TGFA: variants seen among roughly 807,000 people sequenced by gnomAD.
TGFA encodes transforming growth factor alpha, also known as protransforming growth factor alpha.
TGFA carries 12 observed loss-of-function variants against 21.7 expected under a neutral mutation model. The observed-to-expected ratio is 0.55, with a 90% CI of 0.35 to 0.90. The LOEUF (loss-of-function observed/expected upper bound fraction) is 0.90. Ranked by LOEUF, TGFA falls within the 40% of genes least tolerant of loss-of-function variation. The probability of loss-of-function intolerance (pLI) is 0.01; values close to 1 mark genes in which losing one functional copy is unlikely to be tolerated. For synonymous variants in TGFA, 79 were observed against 88.1 expected (o/e 0.90, Z 0.58); for missense variants, 178 against 210.8 (o/e 0.84, Z 0.96).
intron 1 of TGFA, among the ~76,000 whole-genome samples, chr2:70,527,615 T>C (rs994680344): frequency 2.6e-5 from 4 of 152,228 alleles, no homozygotes; most frequent in Admixed American, 2.6e-4. Flanking sequence ...TATCTAACTT[T>C]AGTTAACTAA....
At chr2:70,503,292 GA>G (rs1457856004) in intron 2 of TGFA, among the ~76,000 whole-genome samples, 3 of 152,014 alleles carry the variant, frequency 2.0e-5, no homozygotes, top group African/African-American at 7.3e-5. Context: ...GATGAAGCTG[GA>G]AACCATCGTT....
At chr2:70,508,113 C>A (rs114419298) in intron 2 of TGFA, among the ~76,000 whole-genome samples, 6 of 152,052 alleles carry the variant, frequency 3.9e-5, no homozygotes, top group Non-Finnish European at 8.8e-5. Context: ...AAAATGAAGA[C>A]GAACTGCTGC....
intron 2 of TGFA, among the ~76,000 whole-genome samples, chr2:70,495,501 C>G (rs1443213818): frequency 6.6e-6 from 1 of 152,148 alleles, no homozygotes; most frequent in Admixed American, 6.5e-5. Context: ...ATGGGAAGAA[C>G]AGTTCTATAA....
chr2:70,464,896 C>T (rs1232049215), intron 3 of TGFA, among the ~76,000 whole-genome samples: 1 of 152,176 alleles, frequency 6.6e-6, no homozygotes, highest in Non-Finnish European at 1.5e-5. Context: ...CTGGTCTAAC[C>T]CTAACACCTG....
At chr2:70,535,260 T>A (rs1163578796) in intron 1 of TGFA, among the ~76,000 whole-genome samples, 1 of 151,824 alleles carries the variant, frequency 6.6e-6, no homozygotes, top group African/African-American at 2.4e-5. Flanking sequence ...TAAAAAACTG[T>A]GTGTCTGCTC....
chr2:70,547,302 A>G (rs1673335595), intron 1 of TGFA, among the ~76,000 whole-genome samples: 1 of 152,152 alleles, frequency 6.6e-6, no homozygotes, highest in Admixed American at 6.5e-5. Context: ...ATGACCCAAA[A>G]AATGTTTGTT....
chr2:70,456,567 G>GA lies in TGFA; in HGVS notation c.216-80dup, dbSNP rs1412397204. 6.1e-6 allele frequency: 9 copies of GA among 1,486,376 alleles called. No homozygotes were observed. The Admixed American group carries it at 1.7e-4, about 28-fold the overall frequency. 92.1% of individuals were successfully genotyped at this position (1,486,376 alleles called of 1,614,324 possible). A position where few individuals can be genotyped will look rare whatever the true frequency, so the allele number is the denominator to read the frequency against. On this transcript the variant is annotated intron_variant, in intron 3 of 5. Transcript: ENST00000295400. ...TAGCTCTCCAGGGAGGGCTTTCCTG[G>GA]AGGGACCCAGAGCCTGCAGGTAAAG...
At chr2:70,518,314 G>A (rs10178514) in intron 1 of TGFA, among the ~76,000 whole-genome samples, 9,827 of 152,220 alleles carry the variant, frequency 0.065, 1,067 homozygotes, top group African/African-American at 0.22. Flanking sequence ...AGAAGGGGGT[G>A]GTATCAAGGG....
chr2:70,539,052 T>C (rs1574145840), intron 1 of TGFA, among the ~76,000 whole-genome samples: 1 of 152,224 alleles, frequency 6.6e-6, no homozygotes, highest in Non-Finnish European at 1.5e-5. Flanking sequence ...CCAACAAAGA[T>C]TATGATTTGC....
intron 2 of TGFA, among the ~76,000 whole-genome samples, chr2:70,490,247 T>C (rs1671390218): frequency 6.6e-6 from 1 of 152,232 alleles, no homozygotes; most frequent in Admixed American, 6.5e-5. Flanking sequence ...GTCTTTACCA[T>C]ATAGTGTCAA....
chr2:70,497,805 C>A lies in TGFA; in HGVS notation c.94+17054G>T, dbSNP rs577278256. ...AGAACCTATGTCACAGCTATCCAGGCTAAGCAATTCTTTCCATCATTTTTT... is the reference window on the plus strand; with the variant it reads ...AGAACCTATGTCACAGCTATCCAGGATAAGCAATTCTTTCCATCATTTTTT... On this transcript the variant is annotated intron_variant, in intron 2 of 5. Coordinates refer to ENST00000295400, the MANE Select transcript of TGFA (RefSeq NM_003236.4). Among the ~76,000 whole-genome samples, 6 of 152,306 alleles carry A rather than the reference C, an allele frequency of 3.9e-5. No homozygotes were observed. In the East Asian group the frequency reaches 1.2e-3, roughly 29 times the overall value.
intron 2 of TGFA, among the ~76,000 whole-genome samples, chr2:70,466,160 A>G (rs1553492199): frequency 2.6e-5 from 4 of 152,254 alleles, no homozygotes; most frequent in Non-Finnish European, 5.9e-5. Context: ...GCAGAAGCAG[A>G]AGAGTTAATG....
At chr2:70,484,268 G>T (rs1671208650) in intron 2 of TGFA, among the ~76,000 whole-genome samples, 1 of 152,164 alleles carries the variant, frequency 6.6e-6, no homozygotes, top group Non-Finnish European at 1.5e-5. Flanking sequence ...TGTTCAATTT[G>T]CAGCATGCTG....
chr2:70,526,726 C>T (rs373578165), intron 1 of TGFA, among the ~76,000 whole-genome samples: 1 of 152,106 alleles, frequency 6.6e-6, no homozygotes, highest in African/African-American at 2.4e-5. Flanking sequence ...CCATTTTCCC[C>T]TTTAACTTTT....
intron 1 of TGFA, among the ~76,000 whole-genome samples, chr2:70,521,598 T>C (rs1454343602): frequency 1.4e-5 from 2 of 147,354 alleles, no homozygotes; most frequent in Admixed American, 1.4e-4. Flanking sequence ...TTGATAGTTT[T>C]TTTTGTTGTT....
intron 1 of TGFA, among the ~76,000 whole-genome samples, chr2:70,540,310 A>G (rs561611390): frequency 4.7e-4 from 71 of 152,340 alleles, no homozygotes; most frequent in African/African-American, 1.6e-3. Flanking sequence ...ATTCCAACTC[A>G]TAAGAGTGGT....
intron 1 of TGFA, among the ~76,000 whole-genome samples, chr2:70,551,604 G>C (rs1673511193): frequency 6.6e-6 from 1 of 152,144 alleles, no homozygotes; most frequent in African/African-American, 2.4e-5. Flanking sequence ...GCTATATGTG[G>C]GAGGCAGCAG....
chr2:70,476,100 AAAAAAAAT>A (rs1340910188), intron 2 of TGFA, among the ~76,000 whole-genome samples: 16 of 150,760 alleles, frequency 1.1e-4, no homozygotes, highest in Admixed American at 7.3e-4. Flanking sequence ...AAAAAAAAAA[AAAAAAAAT>A]TAAGAAAATT....
chr2:70,477,398 A>G (rs987057364), intron 2 of TGFA, among the ~76,000 whole-genome samples: 8 of 152,208 alleles, frequency 5.3e-5, no homozygotes, highest in African/African-American at 1.9e-4. Flanking sequence ...ATTTCCAACC[A>G]CTATACTTAT....
Sources: gnomAD v4.1 joint callset for allele counts (sites outside exome capture counted in the v4.1 genomes callset) on GRCh38, gnomAD v4.1.1 for gene constraint, MANE v1.5 for transcripts, NCBI Gene and HGNC (gene_info 2026-07-23, HGNC 2026-07-21) for gene names.